The following NRG1 variants were observed in gnomAD, a reference collection of about 807,000 sequenced individuals.
The protein encoded by NRG1 is pro-neuregulin-1, membrane-bound isoform.
Under a neutral mutation model 63.8 loss-of-function variants are expected in NRG1, and 18 were observed. That is an observed-to-expected ratio of 0.28 (90% CI 0.19 to 0.42). The LOEUF (loss-of-function observed/expected upper bound fraction) is 0.42. NRG1 is among the 10% of genes least tolerant of loss of function. NRG1 has a pLI of 1.00. For synonymous variants in NRG1, 302 were observed against 301.3 expected, an observed-to-expected ratio of 1.00 and a Z score of -0.02; for missense variants, 762 against 814.7, an observed-to-expected ratio of 0.94 and a Z score of 0.79.
rs909684485 is a variant in NRG1, at chr8:32,331,393, T to G, written c.38-264435T>G. Among the ~76,000 whole-genome samples, 21 of 141,008 alleles carry G rather than the reference T, an allele frequency of 1.5e-4. No individual in the cohort carries two copies. The South Asian group carries it at 3.4e-3, about 23-fold the overall frequency. 92.5% of individuals were successfully genotyped at this position (141,008 alleles called of 152,430 possible). On this transcript the variant is annotated intron_variant, in intron 1 of 10. Coordinates refer to the NRG1 transcript ENST00000519301. ...AAAAAAAAAAAAAAATAGCTGGGTG[T>G]GGTGATATGCCCCTGTTGTCCTAGC...
intron 1 of NRG1, among the ~76,000 whole-genome samples, chr8:32,595,223 T>C (rs1261473843): frequency 6.6e-6 from 1 of 152,102 alleles, no homozygotes; most frequent in Non-Finnish European, 1.5e-5. Context: ...AGAATCTCAC[T>C]CTGTCACCCA....
intron 5 of NRG1, among the ~76,000 whole-genome samples, chr8:32,692,901 C>T (rs1186226503): frequency 6.6e-6 from 1 of 152,156 alleles, no homozygotes; most frequent in East Asian, 1.9e-4. Context: ...GGTCCTGCCA[C>T]CTGACATGTG....
At chr8:32,135,947 G>A (rs983675772) in intron 1 of NRG1, among the ~76,000 whole-genome samples, 2 of 148,390 alleles carry the variant, frequency 1.3e-5, no homozygotes, top group Non-Finnish European at 3.0e-5. Context: ...AAACAGCCAT[G>A]CGGGAGTGAT....
intron 1 of NRG1, among the ~76,000 whole-genome samples, chr8:32,315,707 C>G (rs1857307503): frequency 6.6e-6 from 1 of 152,160 alleles, no homozygotes; most frequent in Non-Finnish European, 1.5e-5. Context: ...CTCAGAATGT[C>G]TGTGAAATGA....
In NRG1 at chr8:32,538,898, A is replaced by C; in HGVS notation, c.38-56930A>C. On this transcript the variant is annotated intron_variant, in intron 1 of 10. Coordinates refer to the NRG1 transcript ENST00000519301. ...TAATAATGCAAGTGTTAAACTGAAG[A>C]TACAGAGAAGGAATACACATATTCC... Among the ~76,000 whole-genome samples the C allele has an allele frequency of 1.3e-5, 2 of 152,258 alleles. 1 individual carries two copies. Among genetic ancestry groups the C allele is most frequent in the Non-Finnish European group, 2.9e-5 (2 of 68,048 alleles).
At chr8:32,565,837 T>G (rs1242255636) in intron 1 of NRG1, among the ~76,000 whole-genome samples, 1 of 152,222 alleles carries the variant, frequency 6.6e-6, no homozygotes, top group African/African-American at 2.4e-5. Context: ...GGTTGGTCTC[T>G]GACCCTGTGT....
intron 1 of NRG1, among the ~76,000 whole-genome samples, chr8:31,862,458 C>T (rs893279338): frequency 3.3e-5 from 5 of 152,262 alleles, no homozygotes; most frequent in Non-Finnish European, 5.9e-5. Flanking sequence ...ATCTAACATT[C>T]GGCCATTGTT....
intron 1 of NRG1, among the ~76,000 whole-genome samples, chr8:31,858,310 AAC>A (rs1162075281): frequency 6.6e-6 from 1 of 152,084 alleles, no homozygotes; most frequent in African/African-American, 2.4e-5. Context: ...AAAAAAAAAA[AAC>A]AAGTGAAGTT....
At chr8:32,544,535 C>A (rs893586503), upstream of NRG1, among the ~76,000 whole-genome samples, 3 of 151,114 alleles carry the variant, frequency 2.0e-5, no homozygotes, top group African/African-American at 2.4e-5. Context: ...GACAGGGTCT[C>A]ACTGTCACCC....
chr8:31,840,045 G>A (rs541461549), intron 1 of NRG1, among the ~76,000 whole-genome samples: 78 of 152,280 alleles, frequency 5.1e-4, no homozygotes, highest in African/African-American at 1.5e-3. Flanking sequence ...TGTTCTGAGC[G>A]TCCCCGCAAG....
intron 1 of NRG1, among the ~76,000 whole-genome samples, chr8:32,369,286 G>T (rs1808488505): frequency 6.6e-6 from 1 of 152,224 alleles, no homozygotes; most frequent in Non-Finnish European, 1.5e-5. Flanking sequence ...CATTCATTGT[G>T]CAGTGTGGGG....
chr8:32,593,666 A>G (rs976419400), intron 1 of NRG1, among the ~76,000 whole-genome samples: 2 of 151,624 alleles, frequency 1.3e-5, no homozygotes, highest in Non-Finnish European at 2.9e-5. Flanking sequence ...TAAATAAATA[A>G]ATAAATCCCT....
intron 1 of NRG1, among the ~76,000 whole-genome samples, chr8:31,799,757 C>T (rs556149574): frequency 7.9e-5 from 12 of 152,078 alleles, no homozygotes; most frequent in East Asian, 7.7e-4. Flanking sequence ...TATATATACA[C>T]GTATGCATAC....
At chr8:32,209,870 A>T (rs1487144) in intron 1 of NRG1, among the ~76,000 whole-genome samples, 121,677 of 151,912 alleles carry the variant, frequency 0.8, 49,467 homozygotes, top group African/African-American at 0.92. Context: ...CACATGGAGA[A>T]GAAGCAAGGA....
chr8:32,711,310 C>T (rs1270071029), intron 5 of NRG1, among the ~76,000 whole-genome samples: 1 of 150,896 alleles, frequency 6.6e-6, no homozygotes, highest in Non-Finnish European at 1.5e-5. Flanking sequence ...GCTAGAATGT[C>T]TGGCACATAG....
chr8:31,929,577 C>T (rs1204519934), intron 1 of NRG1, among the ~76,000 whole-genome samples: 2 of 151,736 alleles, frequency 1.3e-5, no homozygotes, highest in Admixed American at 6.6e-5. Flanking sequence ...GTGCTTGTTC[C>T]CTTAAGATGG....
chr8:32,277,157 A>G (rs1215232591), intron 1 of NRG1, among the ~76,000 whole-genome samples: 2 of 152,206 alleles, frequency 1.3e-5, no homozygotes, highest in Non-Finnish European at 2.9e-5. Context: ...TATGCATGCT[A>G]TTGCAGAGGA....
chr8:32,403,013 C>T (rs1434694836), intron 1 of NRG1, among the ~76,000 whole-genome samples: 1 of 151,626 alleles, frequency 6.6e-6, no homozygotes, highest in Non-Finnish European at 1.5e-5. Context: ...AATGAGCAAG[C>T]ACTGGCCGGG....
At chr8:32,047,145 C>G (rs1821141774) in intron 1 of NRG1, among the ~76,000 whole-genome samples, 1 of 151,910 alleles carries the variant, frequency 6.6e-6, no homozygotes, top group African/African-American at 2.4e-5. Flanking sequence ...TACAACCTCA[C>G]CAATGCTGAT....
Sources: allele counts gnomAD v4.1 joint callset (sites outside exome capture counted in the v4.1 genomes callset), GRCh38; gene constraint gnomAD v4.1.1; transcripts MANE v1.5; gene names NCBI Gene and HGNC (gene_info 2026-07-23, HGNC 2026-07-21).